KCNQ1: variants seen among roughly 807,000 people sequenced by gnomAD.
The protein encoded by KCNQ1 is potassium voltage-gated channel subfamily Q member 1.
Under a neutral mutation model 72.4 loss-of-function variants are expected in KCNQ1, and 49 were observed. That is an observed-to-expected ratio of 0.68 (90% CI 0.54 to 0.86). The LOEUF (loss-of-function observed/expected upper bound fraction) is 0.86, where lower values mean the gene tolerates loss of function less well. KCNQ1 is among the 40% of genes least tolerant of loss of function. The probability of loss-of-function intolerance (pLI) is 0.00; values close to 1 mark genes in which losing one functional copy is unlikely to be tolerated. For missense variants in KCNQ1, 790 were observed against 945.1 expected, an observed-to-expected ratio of 0.84 and a Z score of 2.15; for synonymous variants, 450 against 412.6, an observed-to-expected ratio of 1.09 and a Z score of -1.10.
In KCNQ1 at chr11:2,659,461, G is replaced by A. The variant is rs186087311; in HGVS notation, c.1394-2500G>A. The A allele has an allele frequency of 2.5e-3, 989 of 398,520 alleles. 5 individuals carry two copies. The highest frequency in any genetic ancestry group is 3.3e-3 in the Admixed American group (74 of 22,734). The allele number at this position is 398,520 out of a possible 1,614,324, so 24.7% of individuals were successfully genotyped here. The stretch of plus-strand genomic sequence containing the variant: ...GTTAATTTCTTTTTATTGCTGGGTG[G>A]TATTCCATTGCATGAATATATACAT... On this transcript the variant is annotated intron_variant, in intron 10 of 15. Transcript: ENST00000155840. The surrounding 1 kb of genome is among the most constrained non-coding windows in gnomAD (Gnocchi z 4.3).
chr11:2,637,630 C>T (rs866929480), intron 10 of KCNQ1: 6 of 152,176 alleles, frequency 3.9e-5, no homozygotes, highest in East Asian at 3.9e-4. Flanking sequence ...GGAATAAGTG[C>T]GATGTGATGC....
intron 11 of KCNQ1, among the ~76,000 whole-genome samples, chr11:2,756,794 A>G (rs1247572832): frequency 6.6e-6 from 1 of 152,008 alleles, no homozygotes; most frequent in African/African-American, 2.4e-5. Context: ...GGAGCTTTCT[A>G]CATTGTTTTT....
chr11:2,833,068 G>A (rs565339824), intron 15 of KCNQ1, among the ~76,000 whole-genome samples: 1 of 152,320 alleles, frequency 6.6e-6, no homozygotes, highest in East Asian at 1.9e-4. Flanking sequence ...ACCAGACCAG[G>A]GGATAAGAGG....
Position 2,544,346 on chromosome 11 carries a change from GTA to G in KCNQ1, c.477+16336_477+16337del, listed in dbSNP as rs953686275. On this transcript the variant is annotated intron_variant, in intron 2 of 15. Coordinates refer to ENST00000155840, the MANE Select transcript of KCNQ1 (RefSeq NM_000218.3). This position sits in a 1 kb window ranked among gnomAD's most constrained non-coding sequence, Gnocchi z 4.4. ...TATGTATATATATGTGTATGTATAT[GTA>G]TATATATGTGTATATATATGTGTAT... Among the ~76,000 whole-genome samples, 15 of 146,428 alleles carry G rather than the reference GTA, an allele frequency of 1.0e-4. No individual in the cohort carries two copies. The highest frequency in any genetic ancestry group is 2.5e-4 in the African/African-American group (10 of 39,374).
intron 1 of KCNQ1, among the ~76,000 whole-genome samples, chr11:2,490,098 C>T (rs1337107637): frequency 6.6e-6 from 1 of 152,196 alleles, no homozygotes; most frequent in African/African-American, 2.4e-5. Flanking sequence ...CTGAAGAGCC[C>T]TCAGGCCTTC....
rs1192906556 is a variant in KCNQ1, at chr11:2,647,634, T to A, written c.1394-14327T>A. The A allele has an allele frequency of 2.5e-6, 1 of 398,434 alleles. No homozygotes were observed. Among genetic ancestry groups the A allele is most frequent in the Non-Finnish European group, 4.4e-6 (1 of 226,040 alleles). The allele number at this position is 398,434 out of a possible 1,614,324, so 24.7% of individuals were successfully genotyped here. ...AGAAAACCCGTGCAATCCTGAGGTT[T>A]TCTTTACTGGGAGACTTTATTACTG... On this transcript the variant is annotated intron_variant, in intron 10 of 15. Transcript: ENST00000155840. This position sits in a 1 kb window ranked among gnomAD's most constrained non-coding sequence, Gnocchi z 4.0.
At chr11:2,465,071 G>T (rs1195650525) in intron 1 of KCNQ1, among the ~76,000 whole-genome samples, 1 of 152,188 alleles carries the variant, frequency 6.6e-6, no homozygotes, top group African/African-American at 2.4e-5. Context: ...GGGGCTGTTA[G>T]CCACATGCTT....
At chr11:2,814,328 T>G in intron 15 of KCNQ1, among the ~76,000 whole-genome samples, 1 of 148,040 alleles carries the variant, frequency 6.8e-6, no homozygotes. Context: ...GATCGATGGG[T>G]GTGTGGGTGG....
rs995061185 is a variant in KCNQ1 at position 2,687,633 on chromosome 11, C to G, written c.1514+25552C>G. 3 of 398,452 alleles carry G rather than the reference C, an allele frequency of 7.5e-6. No homozygotes were observed. The highest frequency in any genetic ancestry group is 6.2e-4 in the Middle Eastern group (1 of 1,610). The allele number at this position is 398,452 out of a possible 1,614,324, so 24.7% of individuals were successfully genotyped here. A position where few individuals can be genotyped will look rare whatever the true frequency, so the allele number is the denominator to read the frequency against. On this transcript the variant is annotated intron_variant, in intron 11 of 15. Transcript: ENST00000155840. This position sits in a 1 kb window ranked among gnomAD's most constrained non-coding sequence, Gnocchi z 5.0. ...GATCCCTTCTCCATTCCTCTCAGGC[C>G]CCTGTAAAAATTGGGACCTGTCCTT...
chr11:2,725,111 A>C lies in KCNQ1; in HGVS notation c.1515-43733A>C, dbSNP rs1165671017. Reference sequence around the variant, plus strand: ...AGCTCACGTCTTGAAGCAGTGCTGGACCCGTTTCAGCTCCAGGGGAGAGCC... The same window carrying C: ...AGCTCACGTCTTGAAGCAGTGCTGGCCCCGTTTCAGCTCCAGGGGAGAGCC... On this transcript the variant is annotated intron_variant, in intron 11 of 15. Coordinates refer to ENST00000155840, the MANE Select transcript of KCNQ1 (RefSeq NM_000218.3). This position sits in a 1 kb window ranked among gnomAD's most constrained non-coding sequence, Gnocchi z 7.2. Among the ~76,000 whole-genome samples, 75 of 152,098 alleles carry C rather than the reference A, an allele frequency of 4.9e-4. 1 individual carries two copies. The highest frequency in any genetic ancestry group is 5.8e-4 in the East Asian group (3 of 5,174).
chr11:2,802,723 C>A (rs1847291734), intron 15 of KCNQ1, among the ~76,000 whole-genome samples: 1 of 152,136 alleles, frequency 6.6e-6, no homozygotes, highest in Non-Finnish European at 1.5e-5. Context: ...AGGAAGGAGG[C>A]GTTTGCAGGG....
At chr11:2,708,677 G>C (rs1850952395) in intron 11 of KCNQ1, among the ~76,000 whole-genome samples, 1 of 152,186 alleles carries the variant, frequency 6.6e-6, no homozygotes, top group African/African-American at 2.4e-5. Flanking sequence ...GGCAGCCTCA[G>C]CTCTTAGGAG....
chr11:2,685,406 G>A (rs573151151), intron 11 of KCNQ1: 1 of 398,556 alleles, frequency 2.5e-6, no homozygotes, highest in South Asian at 1.3e-4. Flanking sequence ...TGTTTCCATG[G>A]GTCTCCTTCA....
Position 2,700,509 on chromosome 11 carries a change from C to CCCGG in KCNQ1, c.1514+38429_1514+38432dup, listed in dbSNP as rs567866102. 2.7e-4 allele frequency among the ~76,000 whole-genome samples: 41 copies of CCCGG among 152,158 alleles called. No individual in the cohort carries two copies. In the East Asian group the frequency reaches 7.2e-3, roughly 27 times the overall value. On this transcript the variant is annotated intron_variant, in intron 11 of 15. Coordinates refer to ENST00000155840, the MANE Select transcript of KCNQ1 (RefSeq NM_000218.3). ...CGGCGCCGCTGCAGCGACCCTCGAA[C>CCCGG]CCGGGCAAGGTCTCCACCGCCGTGG... is the stretch of plus-strand genomic sequence containing the variant.
intron 11 of KCNQ1, among the ~76,000 whole-genome samples, chr11:2,726,481 A>T (rs1845766198): frequency 6.6e-6 from 1 of 152,142 alleles, no homozygotes; most frequent in Non-Finnish European, 1.5e-5. Flanking sequence ...CTGAGGCCCC[A>T]GGCGGAGACA....
In KCNQ1 at chr11:2,478,983, G is replaced by A. The variant is rs189937183; in HGVS notation, c.386+33499G>A. On this transcript the variant is annotated intron_variant, in intron 1 of 15. Coordinates refer to ENST00000155840, the MANE Select transcript of KCNQ1 (RefSeq NM_000218.3). The surrounding 1 kb of genome is among the most constrained non-coding windows in gnomAD (Gnocchi z 4.0). ...GGGGCTAAAGGCCCCATGCAAGTTC[G>A]AAATCCAGTGGGGCAGTTAAATCTT... is the stretch of plus-strand genomic sequence containing the variant. Among the ~76,000 whole-genome samples the A allele has an allele frequency of 4.7e-3, 713 of 152,320 alleles. 3 individuals carry two copies. The highest frequency in any genetic ancestry group is 0.016 in the African/African-American group (683 of 41,560).
chr11:2,518,110 CG>C (rs1847318268), intron 1 of KCNQ1, among the ~76,000 whole-genome samples: 1 of 152,262 alleles, frequency 6.6e-6, no homozygotes, highest in African/African-American at 2.4e-5. Context: ...ACTTCACAAA[CG>C]TGCATCCCAC....
rs967153240 is a variant in KCNQ1 at position 2,680,979 on chromosome 11, C to G, written c.1514+18898C>G. 1.0e-5 allele frequency: 4 copies of G among 398,370 alleles called. No individual in the cohort carries two copies. The East Asian group carries it at 1.4e-4, about 14-fold the overall frequency. 24.7% of individuals were successfully genotyped at this position (398,370 alleles called of 1,614,324 possible). ...CTAGTGTTTTCAAGATTGCACTGAC[C>G]ATCATAGGTGAAATAGGTATGTGTT... On this transcript the variant is annotated intron_variant, in intron 11 of 15. Transcript: ENST00000155840.
chr11:2,604,393 G>A (rs927138103), intron 10 of KCNQ1, among the ~76,000 whole-genome samples: 1 of 151,634 alleles, frequency 6.6e-6, no homozygotes, highest in Non-Finnish European at 1.5e-5. Context: ...CAAGAGAATT[G>A]CTTGAACCCG....
Sources: allele counts gnomAD v4.1 joint callset (sites outside exome capture counted in the v4.1 genomes callset), GRCh38; gene constraint gnomAD v4.1.1; non-coding constraint Gnocchi (gnomAD v3.1); transcripts MANE v1.5; gene names NCBI Gene and HGNC (gene_info 2026-07-23, HGNC 2026-07-21).